STXBP4: variants seen among roughly 807,000 people sequenced by gnomAD.
STXBP4 encodes the protein syntaxin-binding protein 4.
Under a neutral mutation model 76.1 loss-of-function variants are expected in STXBP4, and 55 were observed. The ratio of observed to expected loss-of-function variants is 0.72; its 90% CI spans 0.58 to 0.91. STXBP4 has a LOEUF of 0.91. STXBP4 is among the 40% of genes least tolerant of loss of function. STXBP4 has a pLI of 0.00. For missense variants in STXBP4, 618 were observed against 636.9 expected, an observed-to-expected ratio of 0.97 and a Z score of 0.32; for synonymous variants, 201 against 220.2, an observed-to-expected ratio of 0.91 and a Z score of 0.77.
intron 7 of STXBP4, among the ~76,000 whole-genome samples, chr17:55,004,671 A>G (rs1299350661): frequency 6.6e-6 from 1 of 151,008 alleles, no homozygotes; most frequent in East Asian, 2.0e-4. Flanking sequence ...ACTGCACTCC[A>G]GCCTGGGAGA....
intron 15 of STXBP4, 107 bp downstream of exon 15, chr17:55,078,842 A>G: frequency 1.5e-6 from 1 of 677,152 alleles, no homozygotes; most frequent in Middle Eastern, 2.4e-4. Context: ...CTAAGGTGCT[A>G]CATAACTCCC....
intron 8 of STXBP4, among the ~76,000 whole-genome samples, chr17:55,030,063 TC>T (rs1390229477): frequency 6.6e-6 from 1 of 152,162 alleles, no homozygotes; most frequent in East Asian, 1.9e-4. Context: ...ATCCAATTAG[TC>T]CCTTTGTGTT....
chr17:55,151,984 A>G (rs1994234), intron 17 of STXBP4, among the ~76,000 whole-genome samples: 89,760 of 151,958 alleles, frequency 0.59, 26,713 homozygotes, highest in Non-Finnish European at 0.61. Flanking sequence ...TAGTAGTGTT[A>G]GTTATTTGGT....
chr17:55,212,372 A>G, the STXBP4 span, among the ~76,000 whole-genome samples: 2 of 152,354 alleles, frequency 1.3e-5, no homozygotes, highest in South Asian at 4.1e-4. Context: ...ATCCATCTAT[A>G]TTCCTTCCAG....
chr17:55,081,250 A>C, intron 16 of STXBP4, 67 bp downstream of exon 16: 1 of 1,293,164 alleles, frequency 7.7e-7, no homozygotes, highest in Non-Finnish European at 1.0e-6. Flanking sequence ...GAAGTCAGAC[A>C]GTTGAATTTC....
chr17:55,194,734 A>C, the STXBP4 span, among the ~76,000 whole-genome samples: 1 of 152,158 alleles, frequency 6.6e-6, no homozygotes, highest in African/African-American at 2.4e-5. Flanking sequence ...CCATACCTGA[A>C]CCCTGTCCAG....
chr17:55,187,144 T>C, the STXBP4 span, among the ~76,000 whole-genome samples: 2 of 152,190 alleles, frequency 1.3e-5, no homozygotes, highest in African/African-American at 4.8e-5. Context: ...CCGTCATTAA[T>C]GCACACTGAC....
chr17:55,051,586 T>C (rs557037459), intron 12 of STXBP4, among the ~76,000 whole-genome samples: 1 of 152,120 alleles, frequency 6.6e-6, no homozygotes, highest in Admixed American at 6.6e-5. Context: ...TAAAATAGAA[T>C]GAATGAAGTC....
rs549318378 is a variant in STXBP4, at chr17:55,036,983, T to A, written c.855+2724T>A. Among the ~76,000 whole-genome samples, 78 of 152,248 alleles carry A rather than the reference T, an allele frequency of 5.1e-4. 3 individuals are homozygous for A. The South Asian group carries it at 0.014, about 28-fold the overall frequency. On this transcript the variant is annotated intron_variant, in intron 10 of 17. Transcript: ENST00000376352. Reference sequence around the variant, plus strand: ...AAATGATGCATGTCACTTTTTTTAATGTTTCAAATCACTTTGTTCTCTTTT... The same window carrying A: ...AAATGATGCATGTCACTTTTTTTAAAGTTTCAAATCACTTTGTTCTCTTTT...
chr17:55,015,075 C>T (rs989175857), intron 8 of STXBP4, among the ~76,000 whole-genome samples: 2 of 152,192 alleles, frequency 1.3e-5, no homozygotes, highest in Non-Finnish European at 2.9e-5. Context: ...GAGTGATAAA[C>T]TTATCCTTTA....
chr17:55,085,872 A>G (rs983278130), intron 16 of STXBP4, among the ~76,000 whole-genome samples: 2 of 152,190 alleles, frequency 1.3e-5, no homozygotes, highest in African/African-American at 2.4e-5. Context: ...CAAATTATAT[A>G]TCAAAAACTC....
intron 16 of STXBP4, among the ~76,000 whole-genome samples, chr17:55,096,492 C>T (rs980442348): frequency 3.3e-5 from 5 of 152,040 alleles, no homozygotes; most frequent in African/African-American, 1.2e-4. Flanking sequence ...ATTGCATTGC[C>T]TCAAGAAGCT....
At chr17:55,185,251 C>CTTCTTCTTCTTCTTCTTCTTCTCCTT in the STXBP4 span, among the ~76,000 whole-genome samples, 47 of 49,380 alleles carry the variant, frequency 9.5e-4, 3 homozygotes, top group African/African-American at 3.6e-3. Context: ...TTCTTCTTCT[C>CTTCTTCTTCTTCTTCTTCTTCTCCTT]CTTCTCCTTC....
intron 11 of STXBP4, chr17:55,043,826 T>C (rs1252888094): frequency 1.7e-6 from 1 of 596,592 alleles, no homozygotes. Flanking sequence ...TCTTTTTTTG[T>C]TTGTTTGGTT....
intron 9 of STXBP4, among the ~76,000 whole-genome samples, chr17:55,032,776 A>G (rs894098675): frequency 2.0e-5 from 3 of 152,130 alleles, no homozygotes; most frequent in Non-Finnish European, 4.4e-5. Flanking sequence ...TTGCTCAGGG[A>G]ACTTTGCTGC....
chr17:55,115,317 CT>C (rs1439127898), intron 16 of STXBP4, among the ~76,000 whole-genome samples: 1 of 151,674 alleles, frequency 6.6e-6, no homozygotes, highest in Admixed American at 6.6e-5. Context: ...CCACCTAGCT[CT>C]TTTTTTAATC....
chr17:55,177,981 A>T (rs2080437052), downstream of STXBP4, among the ~76,000 whole-genome samples: 2 of 152,218 alleles, frequency 1.3e-5, no homozygotes, highest in Non-Finnish European at 2.9e-5. Context: ...TTGTTTTCAA[A>T]TGTGTGCGTC....
the STXBP4 span, among the ~76,000 whole-genome samples, chr17:55,205,765 T>C: frequency 6.6e-6 from 1 of 152,088 alleles, no homozygotes; most frequent in Non-Finnish European, 1.5e-5. Context: ...ATATAGGATC[T>C]CATATACTCT....
chr17:54,970,138 G>A (rs7222197), intron 1 of STXBP4, among the ~76,000 whole-genome samples: 42,679 of 152,084 alleles, frequency 0.28, 6,254 homozygotes, highest in African/African-American at 0.35. Context: ...TCCCAACATA[G>A]CAGAGTGGAA....
Sources: allele counts gnomAD v4.1 joint callset (sites outside exome capture counted in the v4.1 genomes callset), GRCh38; gene constraint gnomAD v4.1.1; transcripts MANE v1.5; gene names NCBI Gene and HGNC (gene_info 2026-07-23, HGNC 2026-07-21).